Variants in IFT43 observed in about 807,000 individuals in gnomAD.
IFT43 encodes intraflagellar transport protein 43 homolog.
A neutral mutation model predicts 32.3 loss-of-function variants in IFT43; 33 were observed. The ratio of observed to expected loss-of-function variants is 1.02; its 90% CI spans 0.77 to 1.37. The LOEUF is 1.37. IFT43 is among the 40% of genes most tolerant of loss of function. The pLI, the probability that IFT43 is intolerant of heterozygous loss-of-function variation, is 0.00. For missense variants in IFT43, 274 were observed against 265.9 expected, an observed-to-expected ratio of 1.03 and a Z score of -0.21; for synonymous variants, 93 against 98.2, an observed-to-expected ratio of 0.95 and a Z score of 0.31.
intron 5 of IFT43, among the ~76,000 whole-genome samples, chr14:76,078,665 C>G (rs1341893481): frequency 6.6e-6 from 1 of 152,196 alleles, no homozygotes; most frequent in African/African-American, 2.4e-5. Context: ...GTGCACAAGG[C>G]AAGGAAGGAG....
chr14:76,020,846 G>T (rs1312382322), intron 2 of IFT43, among the ~76,000 whole-genome samples: 1 of 152,196 alleles, frequency 6.6e-6, no homozygotes, highest in Non-Finnish European at 1.5e-5. Flanking sequence ...TAGGCCTCCA[G>T]TGCCTTGCTC....
chr14:75,988,900 C>T lies in IFT43; in HGVS notation c.70C>T (p.Arg24Cys), dbSNP rs995075025. 8 of 1,613,724 alleles carry T rather than the reference C, an allele frequency of 5.0e-6. No homozygotes were observed. The highest frequency in any genetic ancestry group is 1.7e-5 in the Admixed American group (1 of 59,984). ...SLATSRAKMG[R>C]RAQQESAQAE... ...CTCCTTACAGAGGGCCAAGATGGGT[C>T]GCCGAGCTCAACAGGAGTCAGCGCA... Residue 24 changes from arginine to cysteine, a missense_variant, in exon 2 of 9, where the codon CGC becomes TGC. Coordinates refer to ENST00000314067, the MANE Select transcript of IFT43 (RefSeq NM_001102564.3).
At position 76,059,932 on chromosome 14, in the gene IFT43, T is replaced by C. The variant is rs889359911; in HGVS notation, c.295+559T>C. ...TGAGTACAGTTAGGATGTACTGTGC[T>C]TTAACTCTTTGTTGGCTTGATTGTT... On this transcript the variant is annotated intron_variant, in intron 5 of 8. Coordinates refer to ENST00000314067, the MANE Select transcript of IFT43 (RefSeq NM_001102564.3). Among the ~76,000 whole-genome samples the C allele has an allele frequency of 2.6e-5, 4 of 152,254 alleles. No individual in the cohort carries two copies. In the East Asian group the frequency reaches 7.7e-4, roughly 29 times the overall value.
At chr14:76,031,840 C>T (rs1008559394) in intron 3 of IFT43, among the ~76,000 whole-genome samples, 31 of 152,170 alleles carry the variant, frequency 2.0e-4, no homozygotes, top group African/African-American at 7.5e-4. Flanking sequence ...AGGGCTCTTC[C>T]TCTAACCTTC....
In IFT43 at chr14:76,058,627, C is replaced by CTTT; in HGVS notation, c.216-6_216-4dup. The CTTT allele has an allele frequency of 1.4e-6, 2 of 1,425,344 alleles. No individual in the cohort carries two copies. The highest frequency in any genetic ancestry group is 9.6e-7 in the Non-Finnish European group (1 of 1,038,684). The allele number at this position is 1,425,344 out of a possible 1,614,324, so 88.3% of individuals were successfully genotyped here. On this transcript the variant is annotated splice_polypyrimidine_tract_variant and intron_variant, in intron 3 of 8. Coordinates refer to ENST00000314067, the MANE Select transcript of IFT43 (RefSeq NM_001102564.3). ...TGGGCTCTCAAAAACCTTGTCTTTT[C>CTTT]TTTTTTTTTTTCAGGTTTAGGAGGA...
chr14:75,986,162 A>G (rs989392221), intron 1 of IFT43: 22 of 1,346,210 alleles, frequency 1.6e-5, no homozygotes, highest in Admixed American at 2.2e-5. Flanking sequence ...CAGATCGATC[A>G]CAGGGTGATA....
At chr14:76,059,482 G>A (rs1002328629) in intron 5 of IFT43, 109 bp downstream of exon 5, 4 of 1,061,668 alleles carry the variant, frequency 3.8e-6, no homozygotes, top group Non-Finnish European at 5.8e-6. Context: ...GACATTTGCA[G>A]TGGTCTTCTG....
At chr14:76,066,331 C>T (rs1419413558) in intron 5 of IFT43, among the ~76,000 whole-genome samples, 1 of 152,198 alleles carries the variant, frequency 6.6e-6, no homozygotes, top group Non-Finnish European at 1.5e-5. Flanking sequence ...GAGAGCGCTC[C>T]TGCTTTTACC....
chr14:76,058,629 T>C lies in IFT43; in HGVS notation c.216-13T>C, dbSNP rs1201710450. The C allele has an allele frequency of 4.3e-6, 6 of 1,383,400 alleles. No homozygotes were observed. The highest frequency in any genetic ancestry group is 2.4e-5 in the East Asian group (1 of 40,852). 85.7% of individuals were successfully genotyped at this position (1,383,400 alleles called of 1,614,324 possible). Reference sequence around the variant, plus strand: ...GGCTCTCAAAAACCTTGTCTTTTCTTTTTTTTTTTCAGGTTTAGGAGGAAG... The same window carrying C: ...GGCTCTCAAAAACCTTGTCTTTTCTCTTTTTTTTTCAGGTTTAGGAGGAAG... On this transcript the variant is annotated splice_polypyrimidine_tract_variant and intron_variant, in intron 3 of 8. Coordinates refer to ENST00000314067, the MANE Select transcript of IFT43 (RefSeq NM_001102564.3).
intron 5 of IFT43, among the ~76,000 whole-genome samples, chr14:76,063,968 C>T (rs1440677529): frequency 2.6e-5 from 4 of 152,154 alleles, no homozygotes; most frequent in Non-Finnish European, 4.4e-5. Context: ...TGAGGACCAG[C>T]GAGGGCAGGA....
chr14:76,068,421 A>G (rs189044727), intron 5 of IFT43, among the ~76,000 whole-genome samples: 2 of 152,354 alleles, frequency 1.3e-5, no homozygotes, highest in Admixed American at 1.3e-4. Flanking sequence ...TGATTAAGTT[A>G]TGAAGATTGC....
intron 1 of IFT43, among the ~76,000 whole-genome samples, chr14:75,987,394 T>C (rs1470214000): frequency 1.3e-5 from 2 of 152,216 alleles, no homozygotes; most frequent in Non-Finnish European, 1.5e-5. Context: ...TACGAGCTCT[T>C]CTGTAACCCC....
chr14:76,043,625 G>T (rs936052691), intron 3 of IFT43, among the ~76,000 whole-genome samples: 1 of 152,154 alleles, frequency 6.6e-6, no homozygotes, highest in Non-Finnish European at 1.5e-5. Context: ...AAAGAAATCT[G>T]TTTCTCCCAA....
chr14:76,053,585 C>T (rs903217150), intron 3 of IFT43, among the ~76,000 whole-genome samples: 7 of 152,174 alleles, frequency 4.6e-5, no homozygotes, highest in African/African-American at 1.4e-4. Context: ...ATCAGCCCGC[C>T]GTGATGTGGG....
intron 2 of IFT43, among the ~76,000 whole-genome samples, chr14:76,006,309 C>T (rs2139910923): frequency 1.3e-5 from 2 of 152,276 alleles, no homozygotes; most frequent in South Asian, 4.1e-4. Flanking sequence ...TTCTGTGCAG[C>T]CTCAAGCTGA....
intron 3 of IFT43, among the ~76,000 whole-genome samples, chr14:76,040,301 G>A (rs79587510): frequency 0.017 from 2,555 of 152,278 alleles, 81 homozygotes; most frequent in African/African-American, 0.054. Flanking sequence ...TCCTGTCTCA[G>A]TAAAAGTAAT....
intron 1 of IFT43, chr14:75,986,152 C>T (rs1231903662): frequency 2.9e-5 from 39 of 1,360,294 alleles, no homozygotes; most frequent in Non-Finnish European, 3.7e-5. Flanking sequence ...TTCCCCAGAA[C>T]AGATCGATCA....
rs75487750 is a variant in IFT43 at position 76,059,908 on chromosome 14, G to A, written c.295+535G>A. Reference sequence around the variant, plus strand: ...TGCTAAGTGAGTAGAGCCAGGATTTGAGTACAGTTAGGATGTACTGTGCTT... The same window carrying A: ...TGCTAAGTGAGTAGAGCCAGGATTTAAGTACAGTTAGGATGTACTGTGCTT... On this transcript the variant is annotated intron_variant, in intron 5 of 8. Transcript: ENST00000314067. Among the ~76,000 whole-genome samples, 22 of 152,318 alleles carry A rather than the reference G, an allele frequency of 1.4e-4. No homozygotes were observed. The East Asian group carries it at 4.2e-3, about 29-fold the overall frequency.
chr14:76,073,615 G>A (rs2037360284), intron 5 of IFT43, among the ~76,000 whole-genome samples: 1 of 152,146 alleles, frequency 6.6e-6, no homozygotes, highest in Non-Finnish European at 1.5e-5. Context: ...CTGTGTGTGT[G>A]TACTTGTCTA....
Sources: allele counts gnomAD v4.1 joint callset (sites outside exome capture counted in the v4.1 genomes callset), GRCh38; gene constraint gnomAD v4.1.1; transcripts MANE v1.5; gene names NCBI Gene and HGNC (gene_info 2026-07-23, HGNC 2026-07-21).